The following ZNF609 variants were observed in gnomAD, a reference collection of about 807,000 sequenced individuals.
ZNF609 encodes the protein zinc finger protein 609.
ZNF609 carries 11 observed loss-of-function variants against 109.5 expected under a neutral mutation model. The observed-to-expected ratio is 0.10, with a 90% CI of 0.06 to 0.17. The LOEUF (loss-of-function observed/expected upper bound fraction) is 0.17, where lower values mean the gene tolerates loss of function less well. Among genes scored for constraint, ZNF609 ranks in the 10% least tolerant of loss-of-function variants. The probability of loss-of-function intolerance (pLI) is 1.00; values close to 1 mark genes in which losing one functional copy is unlikely to be tolerated. For missense variants in ZNF609, 1,559 were observed against 1,772.4 expected (o/e 0.88, Z 2.16); for synonymous variants, 646 against 662.0 (o/e 0.98, Z 0.37).
intron 1 of ZNF609, among the ~76,000 whole-genome samples, chr15:64,486,277 A>G (rs959372876): frequency 2.0e-5 from 3 of 152,160 alleles, no homozygotes; most frequent in African/African-American, 7.2e-5. Flanking sequence ...TAATCCCAGC[A>G]CTTTGGAAGG....
intron 3 of ZNF609, among the ~76,000 whole-genome samples, chr15:64,642,252 T>C (rs1896271716): frequency 6.6e-6 from 1 of 152,164 alleles, no homozygotes; most frequent in African/African-American, 2.4e-5. Context: ...GGTGCAATCA[T>C]GGCTCACTGC....
At chr15:64,508,984 G>A (rs556251295) in intron 2 of ZNF609, among the ~76,000 whole-genome samples, 20 of 152,144 alleles carry the variant, frequency 1.3e-4, no homozygotes, top group Non-Finnish European at 2.6e-4. Context: ...GTAAGCCACT[G>A]TGCCCAGCTG....
intron 2 of ZNF609, among the ~76,000 whole-genome samples, chr15:64,616,426 C>G (rs1031845394): frequency 5.3e-5 from 8 of 151,648 alleles, no homozygotes; most frequent in Admixed American, 1.3e-4. Context: ...ATGAATGACT[C>G]TGGCCTTTCT....
chr15:64,567,100 T>C (rs915054314), intron 2 of ZNF609, among the ~76,000 whole-genome samples: 1 of 152,104 alleles, frequency 6.6e-6, no homozygotes, highest in African/African-American at 2.4e-5. Flanking sequence ...TGAGAGAAAA[T>C]ATTTATAAAC....
At chr15:64,484,545 G>C (rs1352719194) in intron 1 of ZNF609, among the ~76,000 whole-genome samples, 2 of 151,502 alleles carry the variant, frequency 1.3e-5, no homozygotes, top group Non-Finnish European at 2.9e-5. Context: ...GCGTGGTGGC[G>C]CGTGCCTGTA....
In ZNF609 at chr15:64,616,204, G is replaced by T. The variant is rs114191062; in HGVS notation, c.748-6623G>T. On this transcript the variant is annotated intron_variant, in intron 2 of 9. Transcript: ENST00000326648. ...ATATAGACTTTTGCCATGTTGCCCAGGCTGGTCTAGAACTCCTCAGCTCAA... is the reference window on the plus strand; with the variant it reads ...ATATAGACTTTTGCCATGTTGCCCATGCTGGTCTAGAACTCCTCAGCTCAA... 7.9e-3 allele frequency among the ~76,000 whole-genome samples: 1,197 copies of T among 152,104 alleles called. 22 individuals carry two copies. The highest frequency in any genetic ancestry group is 0.028 in the African/African-American group (1,148 of 41,500).
intron 2 of ZNF609, among the ~76,000 whole-genome samples, chr15:64,616,010 C>T (rs1200548568): frequency 6.6e-6 from 1 of 152,106 alleles, no homozygotes; most frequent in Admixed American, 6.6e-5. Context: ...TCTCAAATAT[C>T]TCTTCAATGA....
chr15:64,498,546 G>A (rs1343005144), intron 1 of ZNF609, among the ~76,000 whole-genome samples: 4 of 152,144 alleles, frequency 2.6e-5, no homozygotes, highest in East Asian at 1.9e-4. Flanking sequence ...TTCTTTATTT[G>A]TGTGTCGTCC....
chr15:64,522,026 A>AG (rs1244433665), intron 2 of ZNF609, among the ~76,000 whole-genome samples: 2 of 152,208 alleles, frequency 1.3e-5, no homozygotes, highest in African/African-American at 2.4e-5. Flanking sequence ...TGGTGACTCG[A>AG]GACAAAAGCC....
intron 2 of ZNF609, among the ~76,000 whole-genome samples, chr15:64,619,283 A>G (rs2140969427): frequency 6.6e-6 from 1 of 152,286 alleles, no homozygotes. Context: ...TACAGGCTTG[A>G]GCCATTGCAC....
chr15:64,531,283 A>G (rs1055551263), intron 2 of ZNF609, among the ~76,000 whole-genome samples: 3 of 152,240 alleles, frequency 2.0e-5, no homozygotes, highest in Admixed American at 2.0e-4. Flanking sequence ...GGCCAAATTA[A>G]TGTCAGTTAT....
intron 1 of ZNF609, among the ~76,000 whole-genome samples, chr15:64,483,471 C>T (rs1411259987): frequency 2.0e-5 from 3 of 152,096 alleles, no homozygotes; most frequent in South Asian, 2.1e-4. Flanking sequence ...ACTGCTTCAT[C>T]GACCTCCTGG....
intron 2 of ZNF609, among the ~76,000 whole-genome samples, chr15:64,578,674 G>A (rs959445572): frequency 2.6e-5 from 4 of 151,974 alleles, no homozygotes; most frequent in Non-Finnish European, 5.9e-5. Context: ...CCTGGGCGAC[G>A]GAACAAGACT....
intron 3 of ZNF609, among the ~76,000 whole-genome samples, chr15:64,659,953 G>C (rs1896549988): frequency 6.6e-6 from 1 of 151,064 alleles, no homozygotes; most frequent in African/African-American, 2.4e-5. Context: ...TCCTGCCTCA[G>C]CCTCCCGAGT....
chr15:64,495,912 A>G (rs1375557046), intron 1 of ZNF609, among the ~76,000 whole-genome samples: 1 of 150,736 alleles, frequency 6.6e-6, no homozygotes, highest in Non-Finnish European at 1.5e-5. Context: ...TCTTCTTCCC[A>G]GATTCAAGTG....
At chr15:64,550,118 AT>A (rs1364789634) in intron 2 of ZNF609, among the ~76,000 whole-genome samples, 6 of 151,432 alleles carry the variant, frequency 4.0e-5, no homozygotes, top group South Asian at 2.1e-4. Context: ...CACCCAGCTA[AT>A]TTTTTTCTGT....
At chr15:64,658,433 G>A (rs1896523271) in intron 3 of ZNF609, among the ~76,000 whole-genome samples, 1 of 152,040 alleles carries the variant, frequency 6.6e-6, no homozygotes, top group Admixed American at 6.6e-5. Context: ...CTGATCTTAG[G>A]TGATCCACCC....
At chr15:64,651,660 G>C (rs1417855184) in intron 3 of ZNF609, among the ~76,000 whole-genome samples, 3 of 152,200 alleles carry the variant, frequency 2.0e-5, no homozygotes, top group Admixed American at 6.5e-5. Context: ...ACAGGTATCA[G>C]AGGGCAAACA....
At chr15:64,500,696 C>G in intron 2 of ZNF609, 1 of 467,224 alleles carries the variant, frequency 2.1e-6, no homozygotes, top group Middle Eastern at 5.7e-4. Flanking sequence ...TACCAAAGAG[C>G]GAAGGGGCAC....
Sources: gnomAD v4.1 joint callset for allele counts (sites outside exome capture counted in the v4.1 genomes callset) on GRCh38, gnomAD v4.1.1 for gene constraint, MANE v1.5 for transcripts, NCBI Gene and HGNC (gene_info 2026-07-23, HGNC 2026-07-21) for gene names.